RBFOX1: variants seen among roughly 807,000 people sequenced by gnomAD.
RBFOX1 encodes RNA binding fox-1 homolog 1, also known as RNA binding protein fox-1 homolog 1.
In RBFOX1, 8 loss-of-function variants were observed where a neutral mutation model predicts 57.7. That is an observed-to-expected ratio of 0.14 (90% CI 0.08 to 0.25). RBFOX1 has a LOEUF of 0.25. Among genes scored for constraint, RBFOX1 ranks in the 10% least tolerant of loss-of-function variants. The pLI is 1.00. For missense variants in RBFOX1, 611 were observed against 548.5 expected (o/e 1.11, Z -1.14); for synonymous variants, 326 against 222.4 (o/e 1.47, Z -4.15).
intron 1 of RBFOX1, among the ~76,000 whole-genome samples, chr16:6,036,040 A>G (rs184095108): frequency 6.6e-6 from 1 of 152,272 alleles, no homozygotes; most frequent in African/African-American, 2.4e-5. Flanking sequence ...TTTCTGTAGT[A>G]ACATCTCTCT....
intron 4 of RBFOX1, among the ~76,000 whole-genome samples, chr16:7,374,334 T>A (rs2097644188): frequency 6.6e-6 from 1 of 152,200 alleles, no homozygotes; most frequent in African/African-American, 2.4e-5. Context: ...ACAATACAGA[T>A]AAACACTAAA....
intron 4 of RBFOX1, among the ~76,000 whole-genome samples, chr16:7,301,406 A>T (rs2096028382): frequency 6.6e-6 from 1 of 152,168 alleles, no homozygotes; most frequent in African/African-American, 2.4e-5. Flanking sequence ...TCTGGTTCTC[A>T]TGTTGTACTT....
At chr16:5,360,401 G>A (rs1000499222) in intron 1 of RBFOX1, among the ~76,000 whole-genome samples, 2 of 152,236 alleles carry the variant, frequency 1.3e-5, no homozygotes, top group African/African-American at 4.8e-5. Flanking sequence ...TGTGCACGTG[G>A]TTTCCTGTGG....
chr16:6,476,617 G>C (rs997365823), intron 2 of RBFOX1, among the ~76,000 whole-genome samples: 4 of 152,278 alleles, frequency 2.6e-5, no homozygotes, highest in East Asian at 3.9e-4. Context: ...TTTTGCTGGT[G>C]GAGGGTCTTG....
intron 1 of RBFOX1, among the ~76,000 whole-genome samples, chr16:5,431,619 C>T (rs1000830500): frequency 8.5e-5 from 13 of 152,238 alleles, no homozygotes; most frequent in African/African-American, 1.7e-4. Context: ...GTGATCCGCC[C>T]GCCTCAGCCT....
At chr16:7,017,998 G>T (rs1483724237) in intron 3 of RBFOX1, among the ~76,000 whole-genome samples, 1 of 152,074 alleles carries the variant, frequency 6.6e-6, no homozygotes, top group East Asian at 1.9e-4. Context: ...TTCAGGGAAT[G>T]GAATTTTACA....
intron 1 of RBFOX1, among the ~76,000 whole-genome samples, chr16:5,395,210 C>T (rs1311558109): frequency 6.6e-6 from 1 of 152,236 alleles, no homozygotes; most frequent in Non-Finnish European, 1.5e-5. Flanking sequence ...CTGGTGGTCT[C>T]TGTGCATCTC....
At chr16:7,272,570 G>T (rs903486113) in intron 4 of RBFOX1, among the ~76,000 whole-genome samples, 3 of 152,180 alleles carry the variant, frequency 2.0e-5, no homozygotes, top group Non-Finnish European at 4.4e-5. Flanking sequence ...ACTATCACTT[G>T]CCAGGTTGTA....
At chr16:5,693,201 G>T (rs553578330) in intron 3 of RBFOX1, among the ~76,000 whole-genome samples, 1 of 152,130 alleles carries the variant, frequency 6.6e-6, no homozygotes, top group Non-Finnish European at 1.5e-5. Context: ...CTTCTCTCCT[G>T]CCCATGGGCC....
At chr16:5,394,872 G>T (rs969515063) in intron 1 of RBFOX1, among the ~76,000 whole-genome samples, 1 of 151,810 alleles carries the variant, frequency 6.6e-6, no homozygotes. Flanking sequence ...CCTTATTATG[G>T]CATCTGCACT....
chr16:5,904,493 A>G (rs1192226276), intron 4 of RBFOX1, among the ~76,000 whole-genome samples: 2 of 151,786 alleles, frequency 1.3e-5, no homozygotes, highest in East Asian at 2.0e-4. Flanking sequence ...AAATCAAGAC[A>G]AGCAGAATGT....
intron 13 of RBFOX1, among the ~76,000 whole-genome samples, chr16:7,674,466 A>T (rs1404703241): frequency 6.6e-6 from 1 of 152,236 alleles, no homozygotes; most frequent in Admixed American, 6.5e-5. Context: ...CTGCACAGCA[A>T]TGAGACCACT....
intron 3 of RBFOX1, among the ~76,000 whole-genome samples, chr16:5,752,799 G>A (rs1182366968): frequency 6.6e-6 from 1 of 152,106 alleles, no homozygotes; most frequent in East Asian, 1.9e-4. Flanking sequence ...TTGAATTTCT[G>A]CAACTTTGAG....
chr16:7,450,062 A>G (rs1411278370), intron 4 of RBFOX1, among the ~76,000 whole-genome samples: 1 of 152,136 alleles, frequency 6.6e-6, no homozygotes, highest in African/African-American at 2.4e-5. Context: ...GCCTGTCATC[A>G]TAGAAAGAAA....
chr16:7,527,882 A>G (rs2079055085), intron 5 of RBFOX1, among the ~76,000 whole-genome samples: 1 of 152,210 alleles, frequency 6.6e-6, no homozygotes, highest in Non-Finnish European at 1.5e-5. Context: ...GAATACATTC[A>G]TCATAAGAAT....
chr16:6,834,729 C>G (rs1034479895), intron 3 of RBFOX1, among the ~76,000 whole-genome samples: 3 of 152,098 alleles, frequency 2.0e-5, no homozygotes, highest in Non-Finnish European at 4.4e-5. Flanking sequence ...AGCGTCCTCT[C>G]TGACCTGCGA....
At chr16:7,387,966 G>T (rs1364554147) in intron 4 of RBFOX1, among the ~76,000 whole-genome samples, 2 of 151,908 alleles carry the variant, frequency 1.3e-5, no homozygotes, top group African/African-American at 4.8e-5. Context: ...GAGCTTAATG[G>T]CTCTCTTGTT....
intron 4 of RBFOX1, among the ~76,000 whole-genome samples, chr16:7,218,873 C>T (rs1274490162): frequency 1.3e-5 from 2 of 152,086 alleles, no homozygotes; most frequent in Admixed American, 6.5e-5. Context: ...ACCCCTCCAG[C>T]CTCGATGCAT....
At chr16:7,309,935 G>C (rs184119647) in intron 4 of RBFOX1, among the ~76,000 whole-genome samples, 1 of 152,182 alleles carries the variant, frequency 6.6e-6, no homozygotes, top group Non-Finnish European at 1.5e-5. Flanking sequence ...GTTTAATTCA[G>C]TTAAGAAAAG....
Sources: gnomAD v4.1 joint callset for allele counts (sites outside exome capture counted in the v4.1 genomes callset) on GRCh38, gnomAD v4.1.1 for gene constraint, MANE v1.5 for transcripts, NCBI Gene and HGNC (gene_info 2026-07-23, HGNC 2026-07-21) for gene names.